Variants in CHL1 observed in about 807,000 individuals in gnomAD.
CHL1 encodes the protein neural cell adhesion molecule L1-like protein.
CHL1 carries 96 observed loss-of-function variants against 141.9 expected under a neutral mutation model. That is an observed-to-expected ratio of 0.68 (90% confidence interval 0.57 to 0.80). The LOEUF is 0.80. CHL1 is among the 30% of genes least tolerant of loss of function. The pLI is 0.00. For synonymous variants in CHL1, 613 were observed against 502.2 expected (o/e 1.22, Z -2.95); for missense variants, 1,820 against 1,457.2 (o/e 1.25, Z -4.05).
At chr3:304,862 T>C (rs1699089460) in intron 2 of CHL1, among the ~76,000 whole-genome samples, 1 of 152,190 alleles carries the variant, frequency 6.6e-6, no homozygotes, top group African/African-American at 2.4e-5. Context: ...TTTCCTGCTT[T>C]CTCTTGTGGG....
chr3:268,548 A>G (rs1695361274), intron 2 of CHL1, among the ~76,000 whole-genome samples: 1 of 151,830 alleles, frequency 6.6e-6, no homozygotes, highest in Non-Finnish European at 1.5e-5. Context: ...AAAATAAAAT[A>G]AAGTAAAATA....
At chr3:284,476 G>C (rs1402542487) in intron 2 of CHL1, among the ~76,000 whole-genome samples, 1 of 152,212 alleles carries the variant, frequency 6.6e-6, no homozygotes, top group Non-Finnish European at 1.5e-5. Context: ...TCCAAACCGT[G>C]TGAGAAGTCT....
chr3:348,527 C>T (rs377285975), intron 9 of CHL1, among the ~76,000 whole-genome samples: 1 of 152,120 alleles, frequency 6.6e-6, no homozygotes, highest in Non-Finnish European at 1.5e-5. Flanking sequence ...CTGCACTTGT[C>T]TGCTTTTCAT....
intron 1 of CHL1, among the ~76,000 whole-genome samples, chr3:222,015 C>T (rs1700887290): frequency 6.6e-6 from 1 of 152,136 alleles, no homozygotes; most frequent in South Asian, 2.1e-4. Context: ...AGAATAAAGG[C>T]AGCATATATT....
chr3:336,359 G>C (rs1054209165), intron 5 of CHL1, among the ~76,000 whole-genome samples: 3 of 152,040 alleles, frequency 2.0e-5, no homozygotes, highest in Non-Finnish European at 4.4e-5. Context: ...AGATGCCAGT[G>C]TTTTTTGGTT....
intron 1 of CHL1, among the ~76,000 whole-genome samples, chr3:218,119 G>C (rs1243956970): frequency 3.3e-5 from 5 of 152,188 alleles, no homozygotes; most frequent in Admixed American, 3.3e-4. Flanking sequence ...GAGATGACAA[G>C]GTTTACGATA....
intron 19 of CHL1, among the ~76,000 whole-genome samples, chr3:385,133 G>A (rs967596357): frequency 6.6e-6 from 1 of 152,102 alleles, no homozygotes; most frequent in Admixed American, 6.5e-5. Flanking sequence ...AATGATGTTA[G>A]TCTTTTAGGG....
At chr3:377,135 G>A (rs1259469893) in intron 15 of CHL1, among the ~76,000 whole-genome samples, 1 of 152,008 alleles carries the variant, frequency 6.6e-6, no homozygotes, top group Non-Finnish European at 1.5e-5. Flanking sequence ...AATGGTACGG[G>A]GTAAAAGGTG....
Position 408,837 on chromosome 3 carries a change from C to T in CHL1, c.*3126C>T, listed in dbSNP as rs1426035051. ...TGTGAATTTGGTGGTTTTATTCTAT[C>T]GGTATAAAGGCATTGATATTTTAGA... On this transcript the variant is annotated 3_prime_UTR_variant, in exon 28 of 28. Transcript: ENST00000256509. The T allele has an allele frequency of 6.6e-6, 1 of 151,888 alleles. No homozygotes were observed. Among genetic ancestry groups the T allele is most frequent in the Admixed American group, 6.6e-5 (1 of 15,226 alleles). The allele number at this position is 151,888 out of a possible 1,614,324, so 9.4% of individuals were successfully genotyped here. A position where few individuals can be genotyped will look rare whatever the true frequency, so the allele number is the denominator to read the frequency against.
intron 2 of CHL1, chr3:309,471 TTCTCTC>T (rs149433572): frequency 2.0e-5 from 3 of 150,376 alleles, no homozygotes; most frequent in African/African-American, 7.3e-5. Context: ...TTCTTATTCC[TTCTCTC>T]TCTCTCTCTT....
chr3:348,748 T>C (rs116177494), intron 9 of CHL1, among the ~76,000 whole-genome samples: 1,927 of 152,248 alleles, frequency 0.013, 46 homozygotes, highest in African/African-American at 0.045. Context: ...TTCCTCTGCT[T>C]CCCGACAAGG....
chr3:205,790 T>A, intron 1 of CHL1, among the ~76,000 whole-genome samples: 1 of 152,144 alleles, frequency 6.6e-6, no homozygotes, highest in Non-Finnish European at 1.5e-5. Context: ...TAGCCACCAT[T>A]GATCATTTAT....
At chr3:292,252 T>C (rs947351691) in intron 2 of CHL1, among the ~76,000 whole-genome samples, 34 of 152,218 alleles carry the variant, frequency 2.2e-4, no homozygotes, top group African/African-American at 6.5e-4. Flanking sequence ...GGCTGTGTTG[T>C]TTCTGCAAAC....
At chr3:388,448 G>A (rs1475525547) in intron 19 of CHL1, among the ~76,000 whole-genome samples, 1 of 151,802 alleles carries the variant, frequency 6.6e-6, no homozygotes, top group Non-Finnish European at 1.5e-5. Context: ...TCAGGAGGCT[G>A]AGGAAAGAGA....
At chr3:260,629 G>A (rs1694633966) in intron 2 of CHL1, among the ~76,000 whole-genome samples, 1 of 152,126 alleles carries the variant, frequency 6.6e-6, no homozygotes, top group African/African-American at 2.4e-5. Flanking sequence ...CAAGACCCAG[G>A]TAGAGCATTT....
At chr3:294,899 AT>A (rs1238895715) in intron 2 of CHL1, among the ~76,000 whole-genome samples, 1 of 152,230 alleles carries the variant, frequency 6.6e-6, no homozygotes. Context: ...TTTAACAAAT[AT>A]TTATTGAATG....
intron 16 of CHL1, among the ~76,000 whole-genome samples, chr3:379,101 C>T (rs1211169841): frequency 6.6e-6 from 1 of 152,084 alleles, no homozygotes; most frequent in Non-Finnish European, 1.5e-5. Flanking sequence ...GTGTCTTTAG[C>T]ACTCCAGCTG....
intron 2 of CHL1, among the ~76,000 whole-genome samples, chr3:285,914 C>G (rs569504218): frequency 6.6e-6 from 1 of 152,122 alleles, no homozygotes. Flanking sequence ...TGTTTCCAGA[C>G]TTGTGATGAC....
At chr3:239,311 T>C (rs750933257) in intron 1 of CHL1, among the ~76,000 whole-genome samples, 1 of 152,174 alleles carries the variant, frequency 6.6e-6, no homozygotes, top group Non-Finnish European at 1.5e-5. Context: ...TATCCCTTAT[T>C]TACCAATGAG....
Sources: gnomAD v4.1 joint callset for allele counts (sites outside exome capture counted in the v4.1 genomes callset) on GRCh38, gnomAD v4.1.1 for gene constraint, MANE v1.5 for transcripts, NCBI Gene and HGNC (gene_info 2026-07-23, HGNC 2026-07-21) for gene names.